The following MARVELD2 variants were observed in gnomAD, a reference collection of about 807,000 sequenced individuals.
MARVELD2 encodes MARVEL domain containing 2.
In MARVELD2, 49 loss-of-function variants were observed where a neutral mutation model predicts 57.6. The ratio of observed to expected loss-of-function variants is 0.85; its 90% CI spans 0.68 to 1.08. The LOEUF is 1.08. Ranked by LOEUF, MARVELD2 falls within the 50% of genes least tolerant of loss-of-function variation. The pLI, the probability that MARVELD2 is intolerant of heterozygous loss-of-function variation, is 0.00. For synonymous variants in MARVELD2, 238 were observed against 258.8 expected, an observed-to-expected ratio of 0.92 and a Z score of 0.77; for missense variants, 606 against 701.1, an observed-to-expected ratio of 0.86 and a Z score of 1.53.
chr5:69,426,479 C>T (rs1239948530), intron 3 of MARVELD2, among the ~76,000 whole-genome samples: 13 of 151,762 alleles, frequency 8.6e-5, no homozygotes, highest in African/African-American at 2.2e-4. Flanking sequence ...GGATTACAGG[C>T]GCCCGCCACC....
intron 5 of MARVELD2, among the ~76,000 whole-genome samples, chr5:69,439,511 T>A (rs1424718132): frequency 1.3e-5 from 2 of 151,132 alleles, no homozygotes; most frequent in Non-Finnish European, 2.9e-5. Context: ...CCCAGTACTT[T>A]GGGAGGCCAA....
At chr5:69,432,764 C>T (rs1767005474) in intron 4 of MARVELD2, 89 bp downstream of exon 4, 2 of 1,586,990 alleles carry the variant, frequency 1.3e-6, no homozygotes, top group Non-Finnish European at 1.7e-6. Context: ...CAAGTTAATA[C>T]TCTGTGCTTA....
chr5:69,438,531 C>T (rs1172989517), intron 5 of MARVELD2, among the ~76,000 whole-genome samples: 3 of 152,046 alleles, frequency 2.0e-5, no homozygotes, highest in Non-Finnish European at 4.4e-5. Context: ...GAAGAGTGCT[C>T]AAAGCCAGGA....
At chr5:69,431,604 C>A (rs1766965007) in intron 3 of MARVELD2, among the ~76,000 whole-genome samples, 2 of 152,024 alleles carry the variant, frequency 1.3e-5, no homozygotes, top group Non-Finnish European at 2.9e-5. Context: ...GTTCTTAAGA[C>A]TGCGTGTTTG....
At chr5:69,438,050 A>C (rs189140341) in intron 5 of MARVELD2, among the ~76,000 whole-genome samples, 201 of 152,348 alleles carry the variant, frequency 1.3e-3, no homozygotes, top group Admixed American at 5.5e-3. Flanking sequence ...TGTCCTGGGC[A>C]GGAGTCCACA....
Position 69,432,528 on chromosome 5 carries a change from G to A in MARVELD2, c.1184G>A (p.Cys395Tyr), listed in dbSNP as rs1011640011. The A allele has an allele frequency of 6.2e-7, 1 of 1,614,156 alleles. No individual in the cohort carries two copies. Among genetic ancestry groups the A allele is most frequent in the Non-Finnish European group, 8.5e-7 (1 of 1,179,998 alleles). ...TCCTCTTTTTCTCCCTAACTGCAGT[G>A]TGAAATGGCCACCAGTGGTGACAGA... ...EPSLSSKRKM[C>Y]EMATSGDRQR... Residue 395 changes from cysteine (C) to tyrosine (Y), a missense_variant and splice_region_variant, in exon 4 of 7, where the codon TGT becomes TAT. By Grantham distance (194) the Cys-to-Tyr change is radical. Coordinates refer to ENST00000325631, the MANE Select transcript of MARVELD2 (RefSeq NM_001038603.3).
chr5:69,440,589 T>C, intron 6 of MARVELD2, 89 bp downstream of exon 6: 1 of 785,110 alleles, frequency 1.3e-6, no homozygotes. Flanking sequence ...GCTAAAATAG[T>C]TCCTTTTTGT....
chr5:69,436,428 CACACACACACACACACACACACACATAT>C (rs1767141922), intron 5 of MARVELD2, among the ~76,000 whole-genome samples: 1 of 141,224 alleles, frequency 7.1e-6, no homozygotes, highest in South Asian at 2.5e-4. Flanking sequence ...CACACACACA[CACACACACACACACACACACACACATAT>C]ATATAAATTT....
Position 69,443,264 on chromosome 5 carries a change from T to A in MARVELD2, c.*1610T>A, listed in dbSNP as rs1767378885. On this transcript the variant is annotated 3_prime_UTR_variant, in exon 7 of 7. Transcript: ENST00000325631. ...CCCAGGCTGGAGTACAGTGGTATGA[T>A]CTTGGCTCACTGCAGCCTCTGCCTC... is the stretch of plus-strand genomic sequence containing the variant. The A allele has an allele frequency of 6.6e-6, 1 of 150,496 alleles. No homozygotes were observed. The highest frequency in any genetic ancestry group is 6.7e-5 in the Admixed American group (1 of 14,868). 9.3% of individuals were successfully genotyped at this position (150,496 alleles called of 1,614,324 possible).
In MARVELD2 at chr5:69,420,398, AAGG is replaced by A. The variant is rs777948913; in HGVS notation, c.1018_1020del (p.Gly340del). ...GTGAATGCAGTGTTCTGCCGGGTAG[AAGG>A]AGGACAGATAGCTGCAATGATCTTC... On this transcript the variant is annotated inframe_deletion, in exon 2 of 7. Coordinates refer to ENST00000325631, the MANE Select transcript of MARVELD2 (RefSeq NM_001038603.3). 8.1e-6 allele frequency: 13 copies of A among 1,613,946 alleles called. No individual in the cohort carries two copies. Among genetic ancestry groups the A allele is most frequent in the Non-Finnish European group, 1.1e-5 (13 of 1,180,028 alleles).
Position 69,420,513 on chromosome 5 carries a change from A to G in MARVELD2, c.1128A>G (p.Glu376=), listed in dbSNP as rs575548504. 6.2e-7 allele frequency: 1 copy of G among 1,611,588 alleles called. No homozygotes were observed. Among genetic ancestry groups the G allele is most frequent in the Non-Finnish European group, 8.5e-7 (1 of 1,180,020 alleles). Residue 376 remains glutamate, a synonymous_variant, in exon 2 of 7, where the codon GAA becomes GAG. Transcript: ENST00000325631. ...ATGAGGCAGCTCGGAGACATAGAGAATATATGGAACAACAGGAGGTAAGTG... is the reference window on the plus strand; with the variant it reads ...ATGAGGCAGCTCGGAGACATAGAGAGTATATGGAACAACAGGAGGTAAGTG... ...WRHEAARRHR[E]YMEQQEINEP...
chr5:69,417,883 G>A (rs1766478423), intron 1 of MARVELD2, among the ~76,000 whole-genome samples: 1 of 151,072 alleles, frequency 6.6e-6, no homozygotes, highest in African/African-American at 2.4e-5. Context: ...AGCTTGCAGT[G>A]AGCCGAGATG....
intron 3 of MARVELD2, among the ~76,000 whole-genome samples, chr5:69,430,738 T>G (rs1192802336): frequency 1.3e-5 from 2 of 151,910 alleles, no homozygotes; most frequent in Admixed American, 6.6e-5. Context: ...TTCACCATGT[T>G]GGCCAGGCTG....
Position 69,424,617 on chromosome 5 carries a change from T to C in MARVELD2, c.1163T>C (p.Leu388Ser). The change falls in exon 3 of 7, where the codon TTG becomes TCG. Residue 388 changes from leucine to serine, a missense_variant. Coordinates refer to ENST00000325631, the MANE Select transcript of MARVELD2 (RefSeq NM_001038603.3). ...MEQQEINEPS[L>S]SSKRKMCEMA... ...TTGTTCCAGATAAATGAGCCATCAT[T>C]GTCATCGAAAAGGAAAATGGTAAGA... 6.2e-7 allele frequency: 1 copy of C among 1,603,914 alleles called. No homozygotes were observed. Among genetic ancestry groups the C allele is most frequent in the Non-Finnish European group, 8.5e-7 (1 of 1,170,414 alleles).
At chr5:69,426,348 A>ATTATTATTTTTTTTT (rs1481729578) in intron 3 of MARVELD2, among the ~76,000 whole-genome samples, 9 of 147,484 alleles carry the variant, frequency 6.1e-5, no homozygotes, top group African/African-American at 2.0e-4. Context: ...TATTATTATT[A>ATTATTATTTTTTTTT]TTTTTAGACA....
intron 5 of MARVELD2, among the ~76,000 whole-genome samples, chr5:69,439,997 C>T (rs1339156801): frequency 6.6e-6 from 1 of 152,118 alleles, no homozygotes; most frequent in Non-Finnish European, 1.5e-5. Flanking sequence ...TTCTTAATCC[C>T]AACACCTAAT....
intron 5 of MARVELD2, chr5:69,433,759 C>T (rs1013049020): frequency 6.6e-6 from 1 of 152,506 alleles, no homozygotes; most frequent in Non-Finnish European, 1.5e-5. Flanking sequence ...CGCCTGGCCC[C>T]CAAAATCTGG....
chr5:69,432,468 C>T, intron 3 of MARVELD2, 59 bp from the exon 4 acceptor site: 1 of 1,563,196 alleles, frequency 6.4e-7, no homozygotes, highest in South Asian at 1.1e-5. Context: ...AGAATGAATT[C>T]AGAGGGTTTT....
intron 5 of MARVELD2, among the ~76,000 whole-genome samples, chr5:69,438,512 A>G (rs1435239751): frequency 6.6e-6 from 1 of 152,148 alleles, no homozygotes; most frequent in African/African-American, 2.4e-5. Flanking sequence ...ACTTTGAGAG[A>G]CAAGGCAGGA....
Sources: gnomAD v4.1 joint callset for allele counts (sites outside exome capture counted in the v4.1 genomes callset) on GRCh38, gnomAD v4.1.1 for gene constraint, MANE v1.5 for transcripts, NCBI Gene and HGNC (gene_info 2026-07-23, HGNC 2026-07-21) for gene names.